Variants in DENND1B observed in about 807,000 individuals in gnomAD.
DENND1B encodes the protein DENN domain-containing protein 1B.
Under a neutral mutation model 90.1 loss-of-function variants are expected in DENND1B, and 59 were observed. The observed-to-expected ratio is 0.65, with a 90% CI of 0.53 to 0.81. DENND1B has a LOEUF of 0.81. Ranked by LOEUF, DENND1B falls within the 40% of genes least tolerant of loss-of-function variation. DENND1B has a pLI of 0.00. For synonymous variants in DENND1B, 337 were observed against 324.6 expected (o/e 1.04, Z -0.41); for missense variants, 862 against 912.6 (o/e 0.94, Z 0.71).
chr1:197,648,059 T>C (rs1680891537), intron 7 of DENND1B, among the ~76,000 whole-genome samples: 1 of 152,090 alleles, frequency 6.6e-6, no homozygotes, highest in Non-Finnish European at 1.5e-5. Flanking sequence ...AAATAACTAT[T>C]ATACATAGGA....
chr1:197,639,069 AT>A (rs35225644), intron 10 of DENND1B, among the ~76,000 whole-genome samples: 338 of 144,984 alleles, frequency 2.3e-3, no homozygotes, highest in African/African-American at 4.3e-3. Flanking sequence ...TTAAAGGTTA[AT>A]TTTTTTTTTT....
intron 15 of DENND1B, among the ~76,000 whole-genome samples, chr1:197,561,138 G>C (rs570924023): frequency 6.6e-6 from 1 of 151,958 alleles, no homozygotes; most frequent in South Asian, 2.1e-4. Context: ...TACTTCTCTA[G>C]TTATGTGCTA....
At chr1:197,523,238 T>C (rs1001213275) in intron 20 of DENND1B, among the ~76,000 whole-genome samples, 2 of 152,062 alleles carry the variant, frequency 1.3e-5, no homozygotes, top group African/African-American at 2.4e-5. Context: ...GGGGGAAATG[T>C]AGAAGTAAAA....
Position 197,607,065 on chromosome 1 carries a change from A to G in DENND1B, c.921+8T>C. ...ATATGTTCACCACTGAATAGCCTTC[A>G]TACTTACCACATCACTTGGTAGGTT... is the stretch of plus-strand genomic sequence containing the variant. On this transcript the variant is annotated splice_region_variant and intron_variant, in intron 13 of 22. Transcript: ENST00000620048. The G allele has an allele frequency of 2.5e-6, 4 of 1,594,958 alleles. No homozygotes were observed. Among genetic ancestry groups the G allele is most frequent in the Non-Finnish European group, 3.4e-6 (4 of 1,165,466 alleles).
chr1:197,645,268 A>G (rs1680630568), intron 9 of DENND1B, among the ~76,000 whole-genome samples: 1 of 152,114 alleles, frequency 6.6e-6, no homozygotes, highest in Admixed American at 6.6e-5. Context: ...AATATAAAAT[A>G]CTATGTCAAT....
At chr1:197,755,415 G>C (rs1298057120) in intron 2 of DENND1B, among the ~76,000 whole-genome samples, 1 of 151,464 alleles carries the variant, frequency 6.6e-6, no homozygotes, top group Non-Finnish European at 1.5e-5. Context: ...CTTAAGAGTA[G>C]TATACTGCCC....
intron 13 of DENND1B, among the ~76,000 whole-genome samples, chr1:197,603,060 A>C (rs1558294116): frequency 6.6e-6 from 1 of 151,434 alleles, no homozygotes; most frequent in East Asian, 1.9e-4. Context: ...AAATATAGCT[A>C]TCCTGTAACA....
At position 197,595,342 on chromosome 1, in the gene DENND1B, C is replaced by CA. The variant is rs749559550; in HGVS notation, c.922-10dup. 197 of 1,609,456 alleles carry CA rather than the reference C, an allele frequency of 1.2e-4. No homozygotes were observed. Among genetic ancestry groups the CA allele is most frequent in the Non-Finnish European group, 1.6e-4 (185 of 1,177,940 alleles). Reference sequence around the variant, plus strand: ...TTTTTCAAGGCCGAGACCTGCATGACAGAGAGGAACAGTTAAATTAACACC... The same window carrying CA: ...TTTTTCAAGGCCGAGACCTGCATGACAAGAGAGGAACAGTTAAATTAACACC... On this transcript the variant is annotated splice_polypyrimidine_tract_variant and intron_variant, in intron 13 of 22. Transcript: ENST00000620048.
chr1:197,554,832 CAAAAAA>C (rs11440581), intron 15 of DENND1B, among the ~76,000 whole-genome samples: 2 of 69,394 alleles, frequency 2.9e-5, no homozygotes, highest in African/African-American at 6.4e-5. Flanking sequence ...GACTCCATCT[CAAAAAA>C]AAAAAAAAAA....
intron 15 of DENND1B, among the ~76,000 whole-genome samples, chr1:197,577,010 G>A (rs1318933302): frequency 1.3e-5 from 2 of 152,026 alleles, no homozygotes; most frequent in African/African-American, 4.8e-5. Context: ...TTCTAGATGA[G>A]GCTCTTGGAT....
chr1:197,641,477 C>A (rs1297643607), intron 10 of DENND1B, among the ~76,000 whole-genome samples: 1 of 152,118 alleles, frequency 6.6e-6, no homozygotes, highest in East Asian at 1.9e-4. Context: ...GATATTACTG[C>A]ATCATTTATC....
intron 15 of DENND1B, among the ~76,000 whole-genome samples, chr1:197,562,378 A>G (rs1172321261): frequency 1.3e-5 from 2 of 151,828 alleles, no homozygotes. Flanking sequence ...CATTTTTCCA[A>G]CAGCATCTGC....
At chr1:197,675,162 ATATCT>A (rs1227752873) in intron 3 of DENND1B, among the ~76,000 whole-genome samples, 3 of 152,134 alleles carry the variant, frequency 2.0e-5, no homozygotes, top group African/African-American at 7.2e-5. Flanking sequence ...AAAAGAGCAA[ATATCT>A]TAATGCAGCA....
intron 3 of DENND1B, among the ~76,000 whole-genome samples, chr1:197,703,983 C>T (rs969706767): frequency 1.3e-5 from 2 of 152,160 alleles, no homozygotes. Context: ...AGACTCATGC[C>T]TGTAATCCCA....
intron 10 of DENND1B, among the ~76,000 whole-genome samples, chr1:197,633,973 A>G (rs1679559445): frequency 6.6e-6 from 1 of 152,112 alleles, no homozygotes; most frequent in African/African-American, 2.4e-5. Context: ...AGCAAGTTCT[A>G]AGGAATGGCA....
chr1:197,714,492 A>G (rs1660438818), intron 3 of DENND1B, among the ~76,000 whole-genome samples: 1 of 152,150 alleles, frequency 6.6e-6, no homozygotes, highest in Non-Finnish European at 1.5e-5. Context: ...CAAATGGAAT[A>G]AATTCATCCA....
At chr1:197,737,526 G>A (rs557903963) in intron 2 of DENND1B, among the ~76,000 whole-genome samples, 2 of 151,762 alleles carry the variant, frequency 1.3e-5, no homozygotes, top group Non-Finnish European at 2.9e-5. Flanking sequence ...AACTCCACAG[G>A]CCCCTGAAAA....
At chr1:197,539,211 G>C (rs1288678832) in intron 20 of DENND1B, among the ~76,000 whole-genome samples, 1 of 152,160 alleles carries the variant, frequency 6.6e-6, no homozygotes, top group Non-Finnish European at 1.5e-5. Context: ...CTTATGGCAA[G>C]TGTTGTGACC....
chr1:197,640,139 G>A (rs1222319896), intron 10 of DENND1B, among the ~76,000 whole-genome samples: 6 of 152,118 alleles, frequency 3.9e-5, no homozygotes, highest in African/African-American at 1.4e-4. Context: ...AGATAGTAAT[G>A]TTAATTTTTA....
Sources: allele counts gnomAD v4.1 joint callset (sites outside exome capture counted in the v4.1 genomes callset), GRCh38; gene constraint gnomAD v4.1.1; transcripts MANE v1.5; gene names NCBI Gene and HGNC (gene_info 2026-07-23, HGNC 2026-07-21).